OR11A1: variants seen among roughly 807,000 people sequenced by gnomAD.
The protein encoded by OR11A1 is olfactory receptor 11A1.
For missense variants in OR11A1, 380 were observed against 378.2 expected, an observed-to-expected ratio of 1.00 and a Z score of -0.04; for synonymous variants, 158 against 152.2, an observed-to-expected ratio of 1.04 and a Z score of -0.28.
chr6:29,448,010 C>CTTTTTTTTTTTTTT (rs9280602), intron 1 of OR11A1, among the ~76,000 whole-genome samples: 1 of 79,934 alleles, frequency 1.3e-5, no homozygotes, highest in Non-Finnish European at 2.3e-5. Flanking sequence ...ATGACCCTTT[C>CTTTTTTTTTTTTTT]TTTTTTTTTT....
In OR11A1 at chr6:29,453,681, G is replaced by GGAATTAGATAGCTATAGAA. The variant is rs1225011851; in HGVS notation, c.-389+3287_-389+3305dup. ...TCAGAAATGTAATGGGAAGATGCTG[G>GGAATTAGATAGCTATAGAA]GAATTAGATAGCTATAGAAGAATTA... On this transcript the variant is annotated intron_variant, in intron 1 of 4. Coordinates refer to ENST00000377149, the MANE Select transcript of OR11A1 (RefSeq NM_001394828.1). The surrounding 1 kb of genome is among the most constrained non-coding windows in gnomAD (Gnocchi z 4.5). Among the ~76,000 whole-genome samples the GGAATTAGATAGCTATAGAA allele has an allele frequency of 6.6e-6, 1 of 152,138 alleles. No individual in the cohort carries two copies. Among genetic ancestry groups the GGAATTAGATAGCTATAGAA allele is most frequent in the African/African-American group, 2.4e-5 (1 of 41,444 alleles).
chr6:29,448,313 C>T (rs1784992631), intron 1 of OR11A1, among the ~76,000 whole-genome samples: 6 of 152,150 alleles, frequency 3.9e-5, no homozygotes, highest in Admixed American at 1.3e-4. Flanking sequence ...CCACACCCAG[C>T]CACACGACCC....
At chr6:29,443,931 T>A (rs1339357299) in intron 1 of OR11A1, among the ~76,000 whole-genome samples, 1 of 151,900 alleles carries the variant, frequency 6.6e-6, no homozygotes, top group African/African-American at 2.4e-5. Flanking sequence ...CCCAGCACAT[T>A]AGTCTTTCTG....
In OR11A1 at chr6:29,427,228, C is replaced by T. The variant is rs1782889229; in HGVS notation, c.414G>A (p.Gly138=). ...CYPLHYPLLM[G]PRRYMGLVVT... is the part of the protein sequence containing the mutation. ...CCACCAGCCCCATGTACCGTCTGGG[C>T]CCCATCAGGAGTGGGTAGTGGAGTG... The change falls in exon 5 of 5, where the codon GGG becomes GGA. Residue 138 remains glycine, a synonymous_variant. Coordinates refer to ENST00000377149, the MANE Select transcript of OR11A1 (RefSeq NM_001394828.1). 1.2e-6 allele frequency: 2 copies of T among 1,613,094 alleles called. No homozygotes were observed. The highest frequency in any genetic ancestry group is 1.7e-6 in the Non-Finnish European group (2 of 1,180,024).
At chr6:29,447,334 T>C (rs1026309001) in intron 1 of OR11A1, among the ~76,000 whole-genome samples, 2 of 152,234 alleles carry the variant, frequency 1.3e-5, no homozygotes, top group Non-Finnish European at 2.9e-5. Context: ...AAATAGTTCA[T>C]TTTTGCAATG....
rs1284172992 is a variant in OR11A1, at chr6:29,449,932, C to T, written c.-389+7055G>A. Among the ~76,000 whole-genome samples the T allele has an allele frequency of 5.9e-5, 9 of 152,268 alleles. No individual in the cohort carries two copies. The South Asian group carries it at 8.3e-4, about 14-fold the overall frequency. On this transcript the variant is annotated intron_variant, in intron 1 of 4. Transcript: ENST00000377149. ...TATTACAAGCCTGAGTCACCGTGCC[C>T]GGCCCAAATGACCATCTTTCTTACC... is the stretch of plus-strand genomic sequence containing the variant.
At position 29,440,151 on chromosome 6, in the gene OR11A1, G is replaced by A. The variant is rs775356404; in HGVS notation, c.-388-8164C>T. 1.9e-6 allele frequency: 3 copies of A among 1,613,388 alleles called. No individual in the cohort carries two copies. The African/African-American group carries it at 4.0e-5, about 22-fold the overall frequency. On this transcript the variant is annotated intron_variant, in intron 1 of 4. Transcript: ENST00000377149. The stretch of plus-strand genomic sequence containing the variant: ...CGTGGCAGGCAATTTCCTCATTGTG[G>A]TGCTGGTCTCCACTGATGCTGCCCT...
In OR11A1 at chr6:29,426,967, T is replaced by C; in HGVS notation, c.675A>G (p.Ala225=). 1 of 1,613,038 alleles carries C rather than the reference T, an allele frequency of 6.2e-7. No individual in the cohort carries two copies. The highest frequency in any genetic ancestry group is 8.5e-7 in the Non-Finnish European group (1 of 1,180,030). Residue 225 remains alanine (A), a synonymous_variant, in exon 5 of 5, where the codon GCA becomes GCG. Coordinates refer to ENST00000377149, the MANE Select transcript of OR11A1 (RefSeq NM_001394828.1). The stretch of plus-strand genomic sequence containing the variant: ...TTGCCCCAGCAGGAACTCTCAGCAC[T>C]GCCACCACAATTCTGGCATAAGATG... ...ILTSYARIVV[A]VLRVPAGASR... is the part of the protein sequence containing the mutation.
chr6:29,456,466 C>T (rs1340071329), intron 1 of OR11A1, among the ~76,000 whole-genome samples: 4 of 151,138 alleles, frequency 2.6e-5, no homozygotes, highest in Non-Finnish European at 2.9e-5. Flanking sequence ...GCCGAGATCG[C>T]GCCACTGCAC....
Position 29,430,340 on chromosome 6 carries a change from C to T in OR11A1, c.-179G>A. ...TGCATTTCCTTGTGAGTGAATCTGG[C>T]ACTCCCTATGTGGGCCATCTTTAAC... On this transcript the variant is annotated 5_prime_UTR_variant, in exon 3 of 5. Transcript: ENST00000377149. 2 of 985,382 alleles carry T rather than the reference C, an allele frequency of 2.0e-6. No individual in the cohort carries two copies. Among genetic ancestry groups the T allele is most frequent in the Non-Finnish European group, 2.4e-6 (2 of 829,920 alleles). The allele number at this position is 985,382 out of a possible 1,614,324, so 61.0% of individuals were successfully genotyped here.
intron 4 of OR11A1, chr6:29,428,405 CG>C: frequency 3.0e-6 from 3 of 985,360 alleles, no homozygotes; most frequent in Non-Finnish European, 3.6e-6. Flanking sequence ...GGATCAAGGT[CG>C]GGGAAGGCTT....
chr6:29,443,090 A>T (rs1025295676), intron 1 of OR11A1, among the ~76,000 whole-genome samples: 1 of 152,242 alleles, frequency 6.6e-6, no homozygotes, highest in Admixed American at 6.5e-5. Flanking sequence ...TTTTCCTGTC[A>T]TATAAGCAAT....
At chr6:29,428,531 G>A (rs1449479996) in intron 4 of OR11A1, 5 of 254,466 alleles carry the variant, frequency 2.0e-5, no homozygotes, top group Non-Finnish European at 3.1e-5. Context: ...TGAGGCGGGT[G>A]GATCACGAGG....
intron 1 of OR11A1, among the ~76,000 whole-genome samples, chr6:29,436,435 A>G (rs1783632417): frequency 6.6e-6 from 1 of 152,168 alleles, no homozygotes; most frequent in East Asian, 1.9e-4. Context: ...CTGTTCAGGC[A>G]TGTGTTATAG....
Position 29,428,992 on chromosome 6 carries a change from A to G in OR11A1, c.-139-32T>C. 3.7e-6 allele frequency: 3 copies of G among 818,418 alleles called. No homozygotes were observed. In the South Asian group the frequency reaches 1.7e-4, roughly 46 times the overall value. 50.7% of individuals were successfully genotyped at this position (818,418 alleles called of 1,614,324 possible). On this transcript the variant is annotated intron_variant, in intron 3 of 4. Coordinates refer to ENST00000377149, the MANE Select transcript of OR11A1 (RefSeq NM_001394828.1). The stretch of plus-strand genomic sequence containing the variant: ...ACAATGAGAGAGAATACAGGGAATG[A>G]TTAGAAACAGTTGAGAAAGGTAGAG...
chr6:29,427,609 AAT>A lies in OR11A1; in HGVS notation c.31_32del (p.Ile11TyrfsTer2). On this transcript the variant is annotated frameshift_variant, in exon 5 of 5. Transcript: ENST00000377149. LOFTEE classifies it low-confidence loss of function (END_TRUNC). ...AGAAGCCAAGGAGGACAAATTCAGT[AAT>A]AGTTTCGTTTCCTGTGGAGACAATT... is the stretch of plus-strand genomic sequence containing the variant. The part of the protein sequence containing the change: MEIVSTGNET[I>X]TEFVLLGFYD... The A allele has an allele frequency of 6.2e-7, 1 of 1,611,234 alleles. No homozygotes were observed. Among genetic ancestry groups the A allele is most frequent in the Non-Finnish European group, 8.5e-7 (1 of 1,178,772 alleles).
At chr6:29,455,828 A>G (rs1582642454) in intron 1 of OR11A1, among the ~76,000 whole-genome samples, 1 of 138,954 alleles carries the variant, frequency 7.2e-6, no homozygotes, top group East Asian at 2.2e-4. Context: ...GTGAGCCGAG[A>G]TCGTGCCATT....
Position 29,453,906 on chromosome 6 carries a change from C to T in OR11A1, c.-389+3081G>A, listed in dbSNP as rs897289279. ...CAAAAGTATTTGACCAAAACCTTCACCCAATCATTGACTGAACACTAAGCT... is the reference window on the plus strand; with the variant it reads ...CAAAAGTATTTGACCAAAACCTTCATCCAATCATTGACTGAACACTAAGCT... On this transcript the variant is annotated intron_variant, in intron 1 of 4. Coordinates refer to ENST00000377149, the MANE Select transcript of OR11A1 (RefSeq NM_001394828.1). The surrounding 1 kb of genome is among the most constrained non-coding windows in gnomAD (Gnocchi z 4.5). Among the ~76,000 whole-genome samples the T allele has an allele frequency of 2.6e-5, 4 of 152,084 alleles. No individual in the cohort carries two copies. Among genetic ancestry groups the T allele is most frequent in the Non-Finnish European group, 4.4e-5 (3 of 67,980 alleles).
At chr6:29,441,219 G>C (rs1191276513) in intron 1 of OR11A1, among the ~76,000 whole-genome samples, 2 of 152,028 alleles carry the variant, frequency 1.3e-5, no homozygotes, top group Non-Finnish European at 2.9e-5. Flanking sequence ...TGACAACCAG[G>C]GATAAAGTTA....
Sources: allele counts gnomAD v4.1 joint callset (sites outside exome capture counted in the v4.1 genomes callset), GRCh38; gene constraint gnomAD v4.1.1; non-coding constraint Gnocchi (gnomAD v3.1); transcripts MANE v1.5; gene names NCBI Gene and HGNC (gene_info 2026-07-23, HGNC 2026-07-21).